KIAA1210: variants seen among roughly 807,000 people sequenced by gnomAD.
The protein encoded by KIAA1210 is KIAA1210, also known as acrosomal protein KIAA1210.
In KIAA1210, 48 loss-of-function variants were observed where a neutral mutation model predicts 78.9. The observed-to-expected ratio is 0.61, with a 90% CI of 0.48 to 0.77. The LOEUF (loss-of-function observed/expected upper bound fraction) is 0.77. KIAA1210 is among the 30% of genes least tolerant of loss of function. The pLI, the probability that KIAA1210 is intolerant of heterozygous loss-of-function variation, is 0.00. For synonymous variants in KIAA1210, 406 were observed against 404.5 expected, an observed-to-expected ratio of 1.00 and a Z score of -0.04; for missense variants, 1,108 against 1,100.0, an observed-to-expected ratio of 1.01 and a Z score of -0.10.
In KIAA1210 at chrX:119,088,179, T is replaced by C. The variant is rs375356946; in HGVS notation, c.2523A>G (p.Leu841=). Residue 841 remains leucine, a synonymous_variant, in exon 9 of 12, where the codon CTA becomes CTG. Coordinates refer to ENST00000691062, the MANE Select transcript of KIAA1210 (RefSeq NM_001394962.1). Reference sequence around the variant, plus strand: ...AGGACTGAGGAGAATATCTGGGGAGTAGTGGCTCCACAGAAATGACTCTCT... The same window carrying C: ...AGGACTGAGGAGAATATCTGGGGAGCAGTGGCTCCACAGAAATGACTCTCT... ...AVERVISVEP[L]LPRYSPQSLT... is the part of the protein sequence containing the mutation. The C allele has an allele frequency of 3.3e-6, 4 of 1,207,750 alleles. No individual in the cohort carries two copies. The highest frequency in any genetic ancestry group is 3.5e-5 in the African/African-American group (2 of 56,898).
At chrX:119,102,696 T>A (rs1259933098) in intron 6 of KIAA1210, among the ~76,000 whole-genome samples, 1 of 111,943 alleles carries the variant, frequency 8.9e-6, no homozygotes, top group Admixed American at 9.5e-5. Flanking sequence ...GCCAATTCAG[T>A]GGAATAACTT....
At chrX:119,103,798 G>A (rs1349140846) in intron 6 of KIAA1210, among the ~76,000 whole-genome samples, 3 of 112,056 alleles carry the variant, frequency 2.7e-5, no homozygotes, top group Non-Finnish European at 5.6e-5. Context: ...TAAATGTCAC[G>A]ACATGGATGA....
chrX:119,121,135 T>C (rs1928444889), intron 2 of KIAA1210, among the ~76,000 whole-genome samples: 1 of 111,419 alleles, frequency 9.0e-6, no homozygotes, highest in Non-Finnish European at 1.9e-5. Flanking sequence ...GAAACCCTAA[T>C]GGAATCTGAG....
upstream of KIAA1210, among the ~76,000 whole-genome samples, chrX:119,130,332 G>A: frequency 8.9e-6 from 1 of 112,280 alleles, no homozygotes; most frequent in Non-Finnish European, 1.9e-5. Flanking sequence ...TGTGCACTTG[G>A]CTTGGAACAT....
intron 11 of KIAA1210, among the ~76,000 whole-genome samples, chrX:119,082,595 T>G (rs1444994946): frequency 1.8e-5 from 2 of 112,421 alleles, no homozygotes; most frequent in Non-Finnish European, 3.8e-5. Context: ...TCTAAATAAT[T>G]AAAAACAATT....
Position 119,088,386 on chromosome X carries a change from T to G in KIAA1210, c.2316A>C (p.Arg772Ser), listed in dbSNP as rs377593188. Residue 772 changes from arginine (R) to serine (S), a missense_variant, in exon 9 of 12, where the codon AGA becomes AGC. By Grantham distance (110) the Arg-to-Ser change is moderately radical. Transcript: ENST00000691062. ...QSDSVEPIPPRHPFQPWVNPK... is the reference protein window; with the variant it reads ...QSDSVEPIPPSHPFQPWVNPK... ...GGTTCACCCATGGCTGGAAAGGGTG[T>G]CTTGGAGGGATTGGCTCCACGGAAT... 22 of 1,209,353 alleles carry G rather than the reference T, an allele frequency of 1.8e-5. No homozygotes were observed. The highest frequency in any genetic ancestry group is 2.3e-5 in the Non-Finnish European group (21 of 894,980).
At chrX:119,100,086 T>C (rs752943336) in intron 6 of KIAA1210, among the ~76,000 whole-genome samples, 4 of 110,535 alleles carry the variant, frequency 3.6e-5, no homozygotes, top group African/African-American at 1.3e-4. Context: ...GGCTCACACC[T>C]GTAATCCTAG....
At chrX:119,114,851 C>T (rs919377530) in intron 3 of KIAA1210, among the ~76,000 whole-genome samples, 1 of 111,807 alleles carries the variant, frequency 8.9e-6, no homozygotes, top group African/African-American at 3.3e-5. Flanking sequence ...TGATCTGTTC[C>T]CTGGAGGCGA....
At position 119,080,100 on chromosome X, in the gene KIAA1210, G is replaced by C. The variant is rs974224836; in HGVS notation, c.*1229C>G. 1 of 111,482 alleles carries C rather than the reference G, an allele frequency of 9.0e-6. No homozygotes were observed. The highest frequency in any genetic ancestry group is 9.5e-5 in the Admixed American group (1 of 10,485). The allele number at this position is 111,482 out of a possible 1,213,427, so 9.2% of individuals were successfully genotyped here. ...CATCTGTAGAACTCTAATTTCAATA[G>C]GGTCTTCAGTGCTTAACAGGATATA... On this transcript the variant is annotated 3_prime_UTR_variant, in exon 12 of 12. Transcript: ENST00000691062.
At chrX:119,125,735 A>ATATTTTTT (rs5903546) in intron 1 of KIAA1210, among the ~76,000 whole-genome samples, 3 of 15,806 alleles carry the variant, frequency 1.9e-4, no homozygotes, top group African/African-American at 7.8e-4. Context: ...ATATATATAT[A>ATATTTTTT]TTTTTTTTTT....
At chrX:119,149,840 C>T (rs1245257110) in intron 1 of KIAA1210, among the ~76,000 whole-genome samples, 1 of 110,847 alleles carries the variant, frequency 9.0e-6, no homozygotes, top group African/African-American at 3.3e-5. Flanking sequence ...CTCTACTCAT[C>T]CATGTTTCCC....
At chrX:119,141,228 A>G (rs982034205) in intron 2 of KIAA1210, among the ~76,000 whole-genome samples, 2 of 112,128 alleles carry the variant, frequency 1.8e-5, no homozygotes, top group African/African-American at 6.5e-5. Context: ...TAAATGCAGT[A>G]AGGAAGAAGT....
upstream of KIAA1210, chrX:119,150,715 A>G: frequency 3.0e-6 from 2 of 656,577 alleles, no homozygotes; most frequent in Admixed American, 3.3e-5. Context: ...CCAGGAGGGC[A>G]CCGCCCCCAA....
intron 3 of KIAA1210, among the ~76,000 whole-genome samples, chrX:119,114,804 T>C (rs1928200487): frequency 1.8e-5 from 2 of 112,002 alleles, no homozygotes; most frequent in South Asian, 7.5e-4. Context: ...CTGTCAGAAA[T>C]GAAAACTCTT....
chrX:119,118,610 G>A (rs1446335671), intron 2 of KIAA1210, among the ~76,000 whole-genome samples: 1 of 111,950 alleles, frequency 8.9e-6, no homozygotes, highest in Non-Finnish European at 1.9e-5. Context: ...TGACTTATTT[G>A]TGCACCGATT....
intron 1 of KIAA1210, among the ~76,000 whole-genome samples, chrX:119,123,994 T>C (rs113412135): frequency 9.0e-6 from 1 of 111,132 alleles, no homozygotes; most frequent in Non-Finnish European, 1.9e-5. Flanking sequence ...TTTTGTTTGC[T>C]TGTTTTTTGT....
intron 2 of KIAA1210, among the ~76,000 whole-genome samples, chrX:119,138,118 A>G (rs1928957907): frequency 9.1e-6 from 1 of 110,212 alleles, no homozygotes; most frequent in Admixed American, 9.7e-5. Context: ...GGCTCCATCT[A>G]CAGCAGAAAG....
In KIAA1210 at chrX:119,088,911, C is replaced by A. The variant is rs377554060; in HGVS notation, c.1791G>T (p.Lys597Asn). 1.8e-5 allele frequency: 22 copies of A among 1,209,685 alleles called. No individual in the cohort carries two copies. Among genetic ancestry groups the A allele is most frequent in the Non-Finnish European group, 2.5e-5 (22 of 894,954 alleles). The change falls in exon 9 of 12, where the codon AAG becomes AAT. Residue 597 changes from lysine to asparagine, a missense_variant. By Grantham distance (94) the Lys-to-Asn change is moderately conservative (BLOSUM62 0). This residue lies in a region of KIAA1210 where 672 missense variants were observed against 607.1 expected (regional missense o/e 1.11). Coordinates refer to ENST00000691062, the MANE Select transcript of KIAA1210 (RefSeq NM_001394962.1). Reference protein sequence around the residue: ...PPRSLFQSSRKPDAEEVSSDS... With the variant: ...PPRSLFQSSRNPDAEEVSSDS... ...CTGAGGAGACTTCTTCAGCATCAGG[C>A]TTCCTTGAGGACTGAAAAAGGCTTC...
At chrX:119,147,343 T>G (rs747982888) in intron 2 of KIAA1210, 1 of 742,964 alleles carries the variant, frequency 1.3e-6, no homozygotes, top group East Asian at 3.4e-5. Context: ...TAATCTCAAA[T>G]TGTAACCCAC....
Sources: gnomAD v4.1 joint callset for allele counts (sites outside exome capture counted in the v4.1 genomes callset) on GRCh38, gnomAD v4.1.1 for gene constraint, gnomAD v4.1.1 regional missense constraint, MANE v1.5 for transcripts, NCBI Gene and HGNC (gene_info 2026-07-23, HGNC 2026-07-21) for gene names.